The following PBX1 variants were observed in gnomAD, a reference collection of about 807,000 sequenced individuals.
PBX1 encodes the protein pre-B-cell leukemia transcription factor 1.
PBX1 carries 6 observed loss-of-function variants against 53.4 expected under a neutral mutation model. The observed-to-expected ratio is 0.11, with a 90% CI of 0.06 to 0.22. PBX1 has a LOEUF of 0.22. Among genes scored for constraint, PBX1 ranks in the 10% least tolerant of loss-of-function variants. The pLI is 1.00. For missense variants in PBX1, 251 were observed against 551.4 expected, an observed-to-expected ratio of 0.46 and a Z score of 5.46; for synonymous variants, 204 against 212.3, an observed-to-expected ratio of 0.96 and a Z score of 0.34.
chr1:164,721,428 A>AGT (rs112904192), intron 2 of PBX1, among the ~76,000 whole-genome samples: 2,069 of 149,542 alleles, frequency 0.014, 25 homozygotes, highest in East Asian at 0.035. Context: ...GTGGCAGTGT[A>AGT]GTGTGTGTGT....
intron 2 of PBX1, among the ~76,000 whole-genome samples, chr1:164,708,202 C>A (rs535960829): frequency 1.3e-5 from 2 of 152,192 alleles, no homozygotes; most frequent in South Asian, 4.2e-4. Flanking sequence ...GGATAGGAAC[C>A]AGAGTTCCTG....
chr1:164,612,845 C>CA (rs892113929), intron 2 of PBX1, among the ~76,000 whole-genome samples: 2 of 152,066 alleles, frequency 1.3e-5, no homozygotes, highest in Non-Finnish European at 2.9e-5. Flanking sequence ...AGATAGTATC[C>CA]AGCTTGGCTT....
chr1:164,560,257 G>A (rs868594093), intron 1 of PBX1: 4 of 412,244 alleles, frequency 9.7e-6, no homozygotes, highest in Non-Finnish European at 1.7e-5. Flanking sequence ...TGAATATAGG[G>A]GTATTCATTT....
Position 164,848,434 on chromosome 1 carries a change from A to G in PBX1, c.*1758A>G, listed in dbSNP as rs975150580. The G allele has an allele frequency of 2.5e-5, 26 of 1,056,164 alleles. No homozygotes were observed. The highest frequency in any genetic ancestry group is 1.8e-4 in the South Asian group (4 of 21,920). The allele number at this position is 1,056,164 out of a possible 1,614,324, so 65.4% of individuals were successfully genotyped here. A position where few individuals can be genotyped will look rare whatever the true frequency, so the allele number is the denominator to read the frequency against. ...GAGAAGTTGATTTTGTTCATATCCA[A>G]TCTGTAAATGCGAAGTCAGGGGAAG... is the stretch of plus-strand genomic sequence containing the variant. On this transcript the variant is annotated 3_prime_UTR_variant, in exon 9 of 9. Transcript: ENST00000420696.
chr1:164,849,255 C>G lies in PBX1; in HGVS notation c.*2579C>G. On this transcript the variant is annotated 3_prime_UTR_variant, in exon 9 of 9. Coordinates refer to ENST00000420696, the MANE Select transcript of PBX1 (RefSeq NM_002585.4). ...AGGGCTACATTTGCACAGGCAGTTT[C>G]TCTCCGGGCCGTAGTTTTCACTGAT... 2.6e-6 allele frequency: 4 copies of G among 1,523,310 alleles called. No individual in the cohort carries two copies. In the South Asian group the frequency reaches 4.9e-5, roughly 19 times the overall value. 94.4% of individuals were successfully genotyped at this position (1,523,310 alleles called of 1,614,324 possible).
At chr1:164,700,830 A>G in intron 2 of PBX1, 1 of 638,612 alleles carries the variant, frequency 1.6e-6, no homozygotes, top group Non-Finnish European at 1.9e-6. Flanking sequence ...AGCCCTGTAT[A>G]TTGCCACTTA....
intron 2 of PBX1, among the ~76,000 whole-genome samples, chr1:164,751,192 G>C (rs777682917): frequency 7.3e-5 from 11 of 151,646 alleles, no homozygotes; most frequent in Non-Finnish European, 1.3e-4. Flanking sequence ...GTGCATGCCT[G>C]TAATCCCAGC....
At chr1:164,587,376 T>G (rs1446926792) in intron 2 of PBX1, among the ~76,000 whole-genome samples, 2 of 152,188 alleles carry the variant, frequency 1.3e-5, no homozygotes, top group Admixed American at 1.3e-4. Flanking sequence ...CTTGGCTGTC[T>G]CATCTCTAAG....
At chr1:164,718,691 C>T (rs917336922) in intron 2 of PBX1, among the ~76,000 whole-genome samples, 15 of 152,170 alleles carry the variant, frequency 9.9e-5, no homozygotes, top group African/African-American at 2.9e-4. Context: ...GAGCCAATGA[C>T]AGAGGTTGCC....
intron 2 of PBX1, among the ~76,000 whole-genome samples, chr1:164,743,043 G>A (rs752370572): frequency 2.6e-5 from 4 of 152,222 alleles, no homozygotes; most frequent in Non-Finnish European, 5.9e-5. Context: ...ATGTAAGCCA[G>A]TGAAGAAGAT....
rs1671810802 is a variant in PBX1, at chr1:164,850,997, C to T, written c.*4321C>T. The T allele has an allele frequency of 4.5e-6, 1 of 221,226 alleles. No individual in the cohort carries two copies. Among genetic ancestry groups the T allele is most frequent in the African/African-American group, 2.2e-5 (1 of 44,648 alleles). 13.7% of individuals were successfully genotyped at this position (221,226 alleles called of 1,614,324 possible). A position where few individuals can be genotyped will look rare whatever the true frequency, so the allele number is the denominator to read the frequency against. Reference sequence around the variant, plus strand: ...TGGGCACCATTGGTTAAGTAAACTACATGCAGGAAGAAGTCCTTGGGGCCA... The same window carrying T: ...TGGGCACCATTGGTTAAGTAAACTATATGCAGGAAGAAGTCCTTGGGGCCA... On this transcript the variant is annotated 3_prime_UTR_variant, in exon 9 of 9. Coordinates refer to ENST00000420696, the MANE Select transcript of PBX1 (RefSeq NM_002585.4).
intron 2 of PBX1, among the ~76,000 whole-genome samples, chr1:164,731,378 G>C (rs1314145106): frequency 6.6e-6 from 1 of 151,264 alleles, no homozygotes; most frequent in Non-Finnish European, 1.5e-5. Context: ...TGAGGTCCCT[G>C]CTATTTATAT....
chr1:164,837,128 G>A (rs559920205), intron 8 of PBX1, among the ~76,000 whole-genome samples: 85 of 152,246 alleles, frequency 5.6e-4, no homozygotes, highest in African/African-American at 2.0e-3. Context: ...TTTACCCCAC[G>A]AGGGCAGGTT....
chr1:164,574,066 G>A (rs1654054049), intron 2 of PBX1, among the ~76,000 whole-genome samples: 1 of 152,202 alleles, frequency 6.6e-6, no homozygotes, highest in South Asian at 2.1e-4. Context: ...GGAAGAGAAC[G>A]TCCACCTTAC....
intron 2 of PBX1, among the ~76,000 whole-genome samples, chr1:164,662,211 A>G (rs1302824392): frequency 6.6e-6 from 1 of 152,150 alleles, no homozygotes; most frequent in African/African-American, 2.4e-5. Context: ...CTGTAACCCC[A>G]GTTACTCGGG....
intron 2 of PBX1, among the ~76,000 whole-genome samples, chr1:164,748,418 C>T (rs1217531648): frequency 2.6e-5 from 4 of 152,166 alleles, no homozygotes; most frequent in African/African-American, 7.2e-5. Flanking sequence ...AGCAAATCCT[C>T]CTAATCAATT....
At chr1:164,566,887 A>C (rs893788862) in intron 2 of PBX1, among the ~76,000 whole-genome samples, 1 of 152,208 alleles carries the variant, frequency 6.6e-6, no homozygotes, top group Admixed American at 6.5e-5. Flanking sequence ...CATTGTCTGC[A>C]TCAAAGTTAA....
At chr1:164,827,539 C>T (rs1670531162) in intron 8 of PBX1, among the ~76,000 whole-genome samples, 1 of 152,144 alleles carries the variant, frequency 6.6e-6, no homozygotes, top group African/African-American at 2.4e-5. Flanking sequence ...AAGCTAACAG[C>T]CTCACTTTCC....
intron 2 of PBX1, among the ~76,000 whole-genome samples, chr1:164,728,484 T>C (rs1432105621): frequency 1.3e-5 from 2 of 152,208 alleles, no homozygotes; most frequent in East Asian, 1.9e-4. Context: ...TCCAAAAGGA[T>C]AGAAGTAATT....
Sources: allele counts gnomAD v4.1 joint callset (sites outside exome capture counted in the v4.1 genomes callset), GRCh38; gene constraint gnomAD v4.1.1; transcripts MANE v1.5; gene names NCBI Gene and HGNC (gene_info 2026-07-23, HGNC 2026-07-21).